Variants in SLC35F3 observed in about 807,000 individuals in gnomAD.
SLC35F3 encodes the protein solute carrier family 35 member F3.
In SLC35F3, 25 loss-of-function variants were observed where a neutral mutation model predicts 49.9. The observed-to-expected ratio is 0.50, with a 90% CI of 0.37 to 0.70. SLC35F3 has a LOEUF of 0.70. Ranked by LOEUF, SLC35F3 falls within the 30% of genes least tolerant of loss-of-function variation. The pLI is 0.00. For synonymous variants in SLC35F3, 275 were observed against 265.4 expected, an observed-to-expected ratio of 1.04 and a Z score of -0.35; for missense variants, 525 against 639.8, an observed-to-expected ratio of 0.82 and a Z score of 1.94.
At chr1:234,201,644 C>T (rs1285018289) in intron 2 of SLC35F3, among the ~76,000 whole-genome samples, 2 of 152,162 alleles carry the variant, frequency 1.3e-5, no homozygotes, top group African/African-American at 4.8e-5. Flanking sequence ...GTGAGCTTCT[C>T]CTATGAGTAT....
intron 2 of SLC35F3, among the ~76,000 whole-genome samples, chr1:234,227,051 G>A (rs1667297331): frequency 6.6e-6 from 1 of 151,882 alleles, no homozygotes; most frequent in Non-Finnish European, 1.5e-5. Flanking sequence ...CAGCATTTAT[G>A]GATGAATTAA....
At chr1:234,138,811 A>G (rs1025053264) in intron 2 of SLC35F3, among the ~76,000 whole-genome samples, 4 of 152,180 alleles carry the variant, frequency 2.6e-5, no homozygotes, top group African/African-American at 9.7e-5. Context: ...TCAGCCTCCC[A>G]AAGTGTTGGA....
At position 234,231,928 on chromosome 1, in the gene SLC35F3, C is replaced by T. The variant is rs1243063045; in HGVS notation, c.608+187C>T. ...AATTCTGTCTACCCTGGGTAGTGAA[C>T]GCCTCCTTCCTCTACCTCCTGCCCC... On this transcript the variant is annotated intron_variant, in intron 3 of 7. Coordinates refer to ENST00000366618, the MANE Select transcript of SLC35F3 (RefSeq NM_173508.4). This position sits in a 1 kb window ranked among gnomAD's most constrained non-coding sequence, Gnocchi z 5.4. 1.3e-5 allele frequency among the ~76,000 whole-genome samples: 2 copies of T among 152,144 alleles called. No homozygotes were observed. Among genetic ancestry groups the T allele is most frequent in the East Asian group, 1.9e-4 (1 of 5,180 alleles).
intron 2 of SLC35F3, among the ~76,000 whole-genome samples, chr1:233,938,587 A>C (rs1662369936): frequency 6.6e-6 from 1 of 152,212 alleles, no homozygotes; most frequent in Admixed American, 6.5e-5. Flanking sequence ...AAGGTCAGTG[A>C]GAAGACGAAG....
chr1:234,264,992 T>G (rs1667958918), intron 3 of SLC35F3, among the ~76,000 whole-genome samples: 1 of 152,210 alleles, frequency 6.6e-6, no homozygotes, highest in Non-Finnish European at 1.5e-5. Context: ...CCCTGAACTC[T>G]GAACAGTCCA....
intron 2 of SLC35F3, among the ~76,000 whole-genome samples, chr1:233,946,860 C>A (rs1393088967): frequency 6.6e-6 from 1 of 152,226 alleles, no homozygotes; most frequent in African/African-American, 2.4e-5. Flanking sequence ...CACTGCCTGG[C>A]AGACAGGAAT....
At chr1:233,917,016 G>A (rs539964066) in intron 2 of SLC35F3, among the ~76,000 whole-genome samples, 2 of 152,178 alleles carry the variant, frequency 1.3e-5, no homozygotes, top group South Asian at 2.1e-4. Context: ...TCTAAAACAC[G>A]GCAAATGTAT....
At chr1:234,124,331 G>T (rs1016396523) in intron 2 of SLC35F3, among the ~76,000 whole-genome samples, 1 of 152,076 alleles carries the variant, frequency 6.6e-6, no homozygotes, top group Non-Finnish European at 1.5e-5. Context: ...CCTTCTAATC[G>T]GTATTCCCAC....
intron 2 of SLC35F3, among the ~76,000 whole-genome samples, chr1:234,064,642 G>A (rs1313197690): frequency 1.2e-4 from 19 of 152,146 alleles, no homozygotes; most frequent in Admixed American, 1.2e-3. Flanking sequence ...CTCATTTTAT[G>A]TAATTAATTC....
rs1271854284 is a variant in SLC35F3, at chr1:234,320,587, A to T, written c.1237+400A>T. On this transcript the variant is annotated intron_variant, in intron 7 of 7. Coordinates refer to ENST00000366618, the MANE Select transcript of SLC35F3 (RefSeq NM_173508.4). The surrounding 1 kb of genome is among the most constrained non-coding windows in gnomAD (Gnocchi z 4.8). ...AAATGTAGGAAATGATGTAGCAGAA[A>T]AAAAATGTCACTTTTGCAGGTAACT... is the stretch of plus-strand genomic sequence containing the variant. 6.6e-6 allele frequency among the ~76,000 whole-genome samples: 1 copy of T among 152,194 alleles called. No individual in the cohort carries two copies. The highest frequency in any genetic ancestry group is 1.5e-5 in the Non-Finnish European group (1 of 68,036).
rs1466970200 is a variant in SLC35F3 at position 234,324,202 on chromosome 1, T to C, written c.*959T>C. ...TTATTTACTGAAATCTGTAAACCTT[T>C]TTATGAAACTTTTAAGCACCAGGCT... On this transcript the variant is annotated 3_prime_UTR_variant, in exon 8 of 8. Coordinates refer to ENST00000366618, the MANE Select transcript of SLC35F3 (RefSeq NM_173508.4). 6.6e-6 allele frequency: 1 copy of C among 152,240 alleles called. No individual in the cohort carries two copies. The highest frequency in any genetic ancestry group is 2.4e-5 in the African/African-American group (1 of 41,460). The allele number at this position is 152,240 out of a possible 1,614,324, so 9.4% of individuals were successfully genotyped here.
At chr1:234,190,879 C>T (rs371729996) in intron 2 of SLC35F3, among the ~76,000 whole-genome samples, 1 of 151,772 alleles carries the variant, frequency 6.6e-6, no homozygotes, top group Admixed American at 6.6e-5. Flanking sequence ...AAGGGATGAA[C>T]GTAGAAATGG....
At chr1:234,322,180 T>G (rs1572153032) in intron 7 of SLC35F3, among the ~76,000 whole-genome samples, 1 of 144,394 alleles carries the variant, frequency 6.9e-6, no homozygotes, top group East Asian at 2.1e-4. Flanking sequence ...TGTGACAGAG[T>G]GAGACCCTGT....
intron 2 of SLC35F3, among the ~76,000 whole-genome samples, chr1:233,929,602 A>T (rs936693999): frequency 2.0e-5 from 3 of 152,180 alleles, no homozygotes; most frequent in Admixed American, 2.0e-4. Context: ...TGGATTAATT[A>T]TGTTGAACAC....
rs569718269 is a variant in SLC35F3 at position 234,087,423 on chromosome 1, T to C, written c.284-143994T>C. On this transcript the variant is annotated intron_variant, in intron 2 of 7. Coordinates refer to ENST00000366618, the MANE Select transcript of SLC35F3 (RefSeq NM_173508.4). ...AGGTCCACAATCCGAGGTTGCTCCT[T>C]CATACTTACAGAGGGGCACAGAACT... Among the ~76,000 whole-genome samples, 66 of 152,340 alleles carry C rather than the reference T, an allele frequency of 4.3e-4. 1 individual carries two copies. The highest frequency in any genetic ancestry group is 1.6e-3 in the African/African-American group (65 of 41,586).
In SLC35F3 at chr1:234,244,976, A is replaced by T. The variant is rs75808715; in HGVS notation, c.608+13235A>T. 7.6e-3 allele frequency among the ~76,000 whole-genome samples: 1,159 copies of T among 152,152 alleles called. 21 individuals carry two copies. Among genetic ancestry groups the T allele is most frequent in the African/African-American group, 0.026 (1,074 of 41,496 alleles). Reference sequence around the variant, plus strand: ...CATTTTTATGCATTGATATCATTTCATGTCCTCTCTTCTCATTAGTTTGAA... The same window carrying T: ...CATTTTTATGCATTGATATCATTTCTTGTCCTCTCTTCTCATTAGTTTGAA... On this transcript the variant is annotated intron_variant, in intron 3 of 7. Coordinates refer to ENST00000366618, the MANE Select transcript of SLC35F3 (RefSeq NM_173508.4).
intron 2 of SLC35F3, among the ~76,000 whole-genome samples, chr1:233,929,088 G>T (rs991193520): frequency 6.6e-6 from 1 of 151,932 alleles, no homozygotes; most frequent in African/African-American, 2.4e-5. Context: ...AGAGGGCAAG[G>T]CAGTACTCTG....
Position 234,228,714 on chromosome 1 carries a change from C to T in SLC35F3, c.284-2703C>T, listed in dbSNP as rs978416890. ...TGTGTGTCCATTTGTACTAGGGGCA[C>T]GGTTCTGCTGAGAGGGGTGTGTGTA... On this transcript the variant is annotated intron_variant, in intron 2 of 7. Coordinates refer to ENST00000366618, the MANE Select transcript of SLC35F3 (RefSeq NM_173508.4). Among the ~76,000 whole-genome samples, 24 of 151,866 alleles carry T rather than the reference C, an allele frequency of 1.6e-4. 1 individual carries two copies. The highest frequency in any genetic ancestry group is 4.2e-4 in the South Asian group (2 of 4,814).
At chr1:234,152,044 C>A (rs1318590223) in intron 2 of SLC35F3, among the ~76,000 whole-genome samples, 2 of 150,920 alleles carry the variant, frequency 1.3e-5, no homozygotes, top group Non-Finnish European at 2.9e-5. Context: ...AGAATAATAA[C>A]CCCCAAATGA....
Sources: allele counts gnomAD v4.1 joint callset (sites outside exome capture counted in the v4.1 genomes callset), GRCh38; gene constraint gnomAD v4.1.1; non-coding constraint Gnocchi (gnomAD v3.1); transcripts MANE v1.5; gene names NCBI Gene and HGNC (gene_info 2026-07-23, HGNC 2026-07-21).